The following SMAP1 variants were observed in gnomAD, a reference collection of about 807,000 sequenced individuals.
The protein encoded by SMAP1 is small ArfGAP 1.
SMAP1 carries 24 observed loss-of-function variants against 58.5 expected under a neutral mutation model. The ratio of observed to expected loss-of-function variants is 0.41; its 90% CI spans 0.30 to 0.58. The LOEUF (loss-of-function observed/expected upper bound fraction) is 0.58, where lower values mean the gene tolerates loss of function less well. SMAP1 is among the 20% of genes least tolerant of loss of function. The pLI is 0.29. For synonymous variants in SMAP1, 216 were observed against 196.6 expected (o/e 1.10, Z -0.82); for missense variants, 563 against 566.3 (o/e 0.99, Z 0.06).
intron 1 of SMAP1, among the ~76,000 whole-genome samples, chr6:70,731,434 A>G (rs972971624): frequency 6.6e-6 from 1 of 152,206 alleles, no homozygotes. Flanking sequence ...ACCTCAGTTC[A>G]TATATGCGTA....
At chr6:70,856,545 T>C (rs1162582213) in intron 8 of SMAP1, 3 of 199,758 alleles carry the variant, frequency 1.5e-5, no homozygotes, top group Admixed American at 5.8e-5. Context: ...GGTGGTCCTC[T>C]CATCTCTAAC....
At chr6:70,674,118 T>C (rs1289488658) in intron 1 of SMAP1, among the ~76,000 whole-genome samples, 1 of 151,840 alleles carries the variant, frequency 6.6e-6, no homozygotes, top group Admixed American at 6.6e-5. Context: ...TTGGCATTTT[T>C]TTTTTCTTTT....
chr6:70,850,619 T>G (rs1175951158), intron 7 of SMAP1, among the ~76,000 whole-genome samples: 1 of 151,986 alleles, frequency 6.6e-6, no homozygotes, highest in Non-Finnish European at 1.5e-5. Flanking sequence ...TGTGATAGAA[T>G]GAAACATGTC....
intron 1 of SMAP1, among the ~76,000 whole-genome samples, chr6:70,688,429 GCTAT>G (rs1767020898): frequency 6.6e-6 from 1 of 152,182 alleles, no homozygotes; most frequent in Admixed American, 6.5e-5. Flanking sequence ...AATGATGTGA[GCTAT>G]TTAGTTGGTC....
intron 1 of SMAP1, among the ~76,000 whole-genome samples, chr6:70,715,707 T>C (rs533126349): frequency 1.3e-5 from 2 of 149,396 alleles, no homozygotes; most frequent in South Asian, 2.2e-4. Context: ...TTCAAGTGCA[T>C]TACATTTATT....
chr6:70,782,350 T>C (rs1767797648), intron 4 of SMAP1, among the ~76,000 whole-genome samples: 1 of 152,230 alleles, frequency 6.6e-6, no homozygotes, highest in African/African-American at 2.4e-5. Context: ...TCCTTCCTCC[T>C]CTTTTCCTGT....
chr6:70,686,195 T>G (rs1439099945), intron 1 of SMAP1, among the ~76,000 whole-genome samples: 4 of 152,248 alleles, frequency 2.6e-5, no homozygotes, highest in African/African-American at 7.2e-5. Context: ...TTACCTGCTA[T>G]GCAGTGCAGT....
chr6:70,801,257 G>A (rs1188641076), intron 6 of SMAP1, among the ~76,000 whole-genome samples: 3 of 152,096 alleles, frequency 2.0e-5, no homozygotes, highest in Admixed American at 6.5e-5. Context: ...ATTTGCATTT[G>A]TCTGATGACC....
At chr6:70,694,201 G>A in intron 1 of SMAP1, 1 of 303,134 alleles carries the variant, frequency 3.3e-6, no homozygotes, top group Non-Finnish European at 6.5e-6. Flanking sequence ...TTGATCTACT[G>A]ATGGATAAGG....
At chr6:70,778,449 G>T (rs375129865) in intron 4 of SMAP1, among the ~76,000 whole-genome samples, 5 of 152,188 alleles carry the variant, frequency 3.3e-5, no homozygotes, top group East Asian at 1.9e-4. Flanking sequence ...TTCTTTTTCT[G>T]TATCTGTTGA....
chr6:70,850,536 G>A (rs1248087728), intron 7 of SMAP1, among the ~76,000 whole-genome samples: 1 of 150,960 alleles, frequency 6.6e-6, no homozygotes, highest in Non-Finnish European at 1.5e-5. Flanking sequence ...TTTAAAATTT[G>A]TACATATATA....
At chr6:70,819,151 CAT>C (rs1248050823) in intron 6 of SMAP1, among the ~76,000 whole-genome samples, 2 of 152,062 alleles carry the variant, frequency 1.3e-5, no homozygotes, top group African/African-American at 4.8e-5. Flanking sequence ...TTTCACTTAG[CAT>C]AGTCTTTTCA....
rs542880808 is a variant in SMAP1 at position 70,719,280 on chromosome 6, A to C, written c.119-13098A>C. ...TTCAAATGAAGAAACTGATCTTCAT[A>C]GTGTGGATACAGGGATACTTTTTTA... is the stretch of plus-strand genomic sequence containing the variant. On this transcript the variant is annotated intron_variant, in intron 1 of 10. Transcript: ENST00000370455. Among the ~76,000 whole-genome samples, 8 of 152,368 alleles carry C rather than the reference A, an allele frequency of 5.3e-5. No individual in the cohort carries two copies. The South Asian group carries it at 1.7e-3, about 32-fold the overall frequency.
intron 5 of SMAP1, among the ~76,000 whole-genome samples, chr6:70,797,887 TC>T (rs1768673797): frequency 2.0e-5 from 3 of 152,130 alleles, no homozygotes; most frequent in Admixed American, 2.0e-4. Flanking sequence ...ATCTCTTTCC[TC>T]TAAATGCCTT....
intron 3 of SMAP1, among the ~76,000 whole-genome samples, chr6:70,760,495 T>G (rs951118800): frequency 2.0e-5 from 3 of 152,222 alleles, no homozygotes; most frequent in African/African-American, 7.2e-5. Context: ...ATCTGTAGCC[T>G]TTAAAAAAAT....
At chr6:70,761,339 C>T (rs145453564) in intron 3 of SMAP1, among the ~76,000 whole-genome samples, 1 of 152,006 alleles carries the variant, frequency 6.6e-6, no homozygotes, top group East Asian at 1.9e-4. Flanking sequence ...AAGTAATTCC[C>T]AAATTAAAAC....
rs760304917 is a variant in SMAP1 at position 70,791,742 on chromosome 6, A to T, written c.468A>T (p.Gln156His). The T allele has an allele frequency of 6.2e-7, 1 of 1,613,426 alleles. No individual in the cohort carries two copies. Among genetic ancestry groups the T allele is most frequent in the Non-Finnish European group, 8.5e-7 (1 of 1,179,706 alleles). Reference protein sequence around the residue: ...LQPLVSSPSLQAAVDKNKLEK... With the variant: ...LQPLVSSPSLHAAVDKNKLEK... The stretch of plus-strand genomic sequence containing the variant: ...CTTTGGTATCCTCTCCTTCTCTGCA[A>T]GCTGCTGTTGACAAAAATAAATTGG... The change falls in exon 5 of 11, where the codon CAA becomes CAT. Residue 156 changes from glutamine to histidine, a missense_variant. This residue lies in a region of SMAP1 where 494 missense variants were observed against 473.8 expected (regional missense o/e 1.04). Transcript: ENST00000370455.
chr6:70,796,562 G>A (rs951535245), intron 5 of SMAP1, among the ~76,000 whole-genome samples: 7 of 152,134 alleles, frequency 4.6e-5, no homozygotes, highest in African/African-American at 1.7e-4. Flanking sequence ...TTTTGATTTG[G>A]GAAATGGTTG....
At chr6:70,680,299 C>A (rs144253233) in intron 1 of SMAP1, among the ~76,000 whole-genome samples, 1 of 152,080 alleles carries the variant, frequency 6.6e-6, no homozygotes, top group African/African-American at 2.4e-5. Flanking sequence ...TTGGATAGGA[C>A]ACAAAATTAT....
Sources: allele counts gnomAD v4.1 joint callset (sites outside exome capture counted in the v4.1 genomes callset), GRCh38; gene constraint gnomAD v4.1.1; regional missense constraint gnomAD v4.1.1; transcripts MANE v1.5; gene names NCBI Gene and HGNC (gene_info 2026-07-23, HGNC 2026-07-21).